The following EGFLAM variants were observed in gnomAD, a reference collection of about 807,000 sequenced individuals.
EGFLAM encodes EGF like, fibronectin type III and laminin G domains.
Under a neutral mutation model 113.1 loss-of-function variants are expected in EGFLAM, and 79 were observed. That is an observed-to-expected ratio of 0.70 (90% CI 0.58 to 0.84). The LOEUF (loss-of-function observed/expected upper bound fraction) is 0.84. Among genes scored for constraint, EGFLAM ranks in the 40% least tolerant of loss-of-function variants. The pLI, the probability that EGFLAM is intolerant of heterozygous loss-of-function variation, is 0.00. For missense variants in EGFLAM, 1,265 were observed against 1,291.6 expected, an observed-to-expected ratio of 0.98 and a Z score of 0.32; for synonymous variants, 504 against 487.6, an observed-to-expected ratio of 1.03 and a Z score of -0.44.
intron 1 of EGFLAM, among the ~76,000 whole-genome samples, chr5:38,323,491 G>A (rs1192998073): frequency 2.6e-5 from 4 of 152,094 alleles, no homozygotes; most frequent in Non-Finnish European, 5.9e-5. Context: ...TTGTATAGAT[G>A]CATTATTTTA....
chr5:38,343,330 C>T (rs1329786168), intron 3 of EGFLAM, among the ~76,000 whole-genome samples: 3 of 150,774 alleles, frequency 2.0e-5, no homozygotes, highest in African/African-American at 4.9e-5. Flanking sequence ...TGCTTGAACC[C>T]TGGAGGCGGA....
At chr5:38,334,105 G>T (rs796978662) in intron 1 of EGFLAM, among the ~76,000 whole-genome samples, 15 of 151,920 alleles carry the variant, frequency 9.9e-5, no homozygotes, top group African/African-American at 3.1e-4. Context: ...TGTATCTTTA[G>T]TAGAGATGGG....
At chr5:38,296,087 A>G (rs1186449727) in intron 1 of EGFLAM, among the ~76,000 whole-genome samples, 2 of 152,064 alleles carry the variant, frequency 1.3e-5, no homozygotes, top group Non-Finnish European at 1.5e-5. Context: ...GATGCTCAAC[A>G]TGGGGATTTG....
intron 1 of EGFLAM, among the ~76,000 whole-genome samples, chr5:38,292,241 A>G (rs1041824428): frequency 2.6e-5 from 4 of 152,184 alleles, no homozygotes; most frequent in African/African-American, 9.7e-5. Context: ...TTTATAAGTT[A>G]ATTATACAGT....
At chr5:38,374,569 T>A (rs535538624) in intron 6 of EGFLAM, among the ~76,000 whole-genome samples, 1 of 152,226 alleles carries the variant, frequency 6.6e-6, no homozygotes, top group Non-Finnish European at 1.5e-5. Flanking sequence ...AAGCACTGAT[T>A]TTAGGTATTA....
chr5:38,434,386 T>A (rs772391251), intron 15 of EGFLAM, among the ~76,000 whole-genome samples: 12 of 152,230 alleles, frequency 7.9e-5, no homozygotes, highest in Non-Finnish European at 1.8e-4. Context: ...CATAAACCCC[T>A]GCAGGGCAGG....
intron 6 of EGFLAM, 48 bp downstream of exon 6, chr5:38,370,510 GC>G: frequency 6.3e-7 from 1 of 1,583,154 alleles, no homozygotes; most frequent in Non-Finnish European, 8.6e-7. Flanking sequence ...GCATATCTGG[GC>G]TTGCCTCATG....
chr5:38,379,997 A>G (rs574389483), intron 6 of EGFLAM, among the ~76,000 whole-genome samples: 4 of 152,370 alleles, frequency 2.6e-5, no homozygotes, highest in African/African-American at 9.6e-5. Flanking sequence ...CTTTGTTGTC[A>G]TAGCAGGAAA....
At chr5:38,361,405 A>G (rs1287157668) in intron 5 of EGFLAM, among the ~76,000 whole-genome samples, 1 of 152,174 alleles carries the variant, frequency 6.6e-6, no homozygotes, top group Non-Finnish European at 1.5e-5. Flanking sequence ...TGGAACATGA[A>G]TGCAACGTCT....
chr5:38,417,075 C>G (rs900834714), intron 11 of EGFLAM, among the ~76,000 whole-genome samples: 1 of 151,992 alleles, frequency 6.6e-6, no homozygotes, highest in Admixed American at 6.6e-5. Context: ...ATGACCAGGC[C>G]GGGCGTGGTA....
intron 6 of EGFLAM, among the ~76,000 whole-genome samples, chr5:38,383,826 C>T (rs748576110): frequency 1.3e-5 from 2 of 151,692 alleles, no homozygotes; most frequent in African/African-American, 2.4e-5. Context: ...AATCCCTCCA[C>T]GTGGAGGGAG....
intron 17 of EGFLAM, among the ~76,000 whole-genome samples, chr5:38,441,197 T>C (rs905583633): frequency 2.0e-5 from 3 of 152,122 alleles, no homozygotes; most frequent in African/African-American, 4.8e-5. Context: ...AACTCAAACC[T>C]GTCTGTCCCA....
chr5:38,406,850 AAGG>A lies in EGFLAM; in HGVS notation c.855_857del (p.Gly286del). ...TAGGTTAAACCACTTCCTGCTACCA[AAGG>A]AGGGAATAAGAAATTTTTGGTGGAA... On this transcript the variant is annotated inframe_deletion, in exon 8 of 22. Coordinates refer to ENST00000322350, the MANE Select transcript of EGFLAM (RefSeq NM_152403.4). 2 of 1,613,990 alleles carry A rather than the reference AAGG, an allele frequency of 1.2e-6. No homozygotes were observed. Among genetic ancestry groups the A allele is most frequent in the Non-Finnish European group, 1.7e-6 (2 of 1,179,888 alleles).
intron 3 of EGFLAM, chr5:38,346,696 A>G (rs1739480384): frequency 6.7e-6 from 1 of 148,192 alleles, no homozygotes; most frequent in South Asian, 2.1e-4. Context: ...ATCCTAAAGC[A>G]AAACTGGGAG....
chr5:38,463,634 C>T (rs1743362939), intron 21 of EGFLAM, among the ~76,000 whole-genome samples, 198 bp from the exon 22 acceptor site: 1 of 152,194 alleles, frequency 6.6e-6, no homozygotes, highest in Non-Finnish European at 1.5e-5. Context: ...CCAAGTCAAT[C>T]TGTTCCTTCA....
chr5:38,332,374 A>T (rs1739068250), intron 1 of EGFLAM, among the ~76,000 whole-genome samples: 1 of 152,008 alleles, frequency 6.6e-6, no homozygotes, highest in African/African-American at 2.4e-5. Context: ...ACATATTATT[A>T]CCTGACCCAG....
chr5:38,348,903 C>G (rs1739543298), intron 3 of EGFLAM, among the ~76,000 whole-genome samples: 1 of 152,146 alleles, frequency 6.6e-6, no homozygotes, highest in South Asian at 2.1e-4. Flanking sequence ...ACATTAGAAT[C>G]ACCTGGAGGG....
At chr5:38,342,808 A>G (rs12654234) in intron 3 of EGFLAM, among the ~76,000 whole-genome samples, 5,166 of 152,306 alleles carry the variant, frequency 0.034, 128 homozygotes, top group East Asian at 0.059. Flanking sequence ...ATATTTATGT[A>G]TTTATAAATT....
chr5:38,447,125 T>C (rs1167361432), intron 17 of EGFLAM, among the ~76,000 whole-genome samples: 8 of 152,160 alleles, frequency 5.3e-5, no homozygotes, highest in Admixed American at 5.2e-4. Context: ...CCAGCAGAAA[T>C]CCCCTAGCCT....
Sources: gnomAD v4.1 joint callset for allele counts (sites outside exome capture counted in the v4.1 genomes callset) on GRCh38, gnomAD v4.1.1 for gene constraint, MANE v1.5 for transcripts, NCBI Gene and HGNC (gene_info 2026-07-23, HGNC 2026-07-21) for gene names.